PLCL2: variants seen among roughly 807,000 people sequenced by gnomAD.
PLCL2 encodes phospholipase C like 2, also known as inactive phospholipase C-like protein 2.
In PLCL2, 4 loss-of-function variants were observed where a neutral mutation model predicts 79.6. That is an observed-to-expected ratio of 0.05 (90% CI 0.02 to 0.11). The LOEUF (loss-of-function observed/expected upper bound fraction) is 0.11, where lower values mean the gene tolerates loss of function less well. PLCL2 is among the 10% of genes least tolerant of loss of function. The pLI is 1.00. For missense variants in PLCL2, 895 were observed against 1,291.0 expected, an observed-to-expected ratio of 0.69 and a Z score of 4.70; for synonymous variants, 484 against 457.7, an observed-to-expected ratio of 1.06 and a Z score of -0.73.
chr3:17,010,274 C>G lies in PLCL2; in HGVS notation c.928C>G (p.Leu310Val), dbSNP rs373183294. Residue 310 changes from leucine to valine, a missense_variant, in exon 2 of 6, where the codon CTT (leucine) becomes GTT (valine). This residue lies in a region of PLCL2 where 93 missense variants were observed against 93.2 expected (regional missense o/e 1.00). Transcript: ENST00000615277. This position sits in a 1 kb window ranked among gnomAD's most constrained non-coding sequence, Gnocchi z 5.8. ...TGGTTTAAAAACGAGCAAAATTGAG[C>G]TTAAGTTCAAAGAATTGCATAAATC... The part of the protein sequence containing the change: ...NPGLKTSKIE[L>V]KFKELHKSKD... 2.6e-5 allele frequency: 42 copies of G among 1,613,928 alleles called. No homozygotes were observed. The highest frequency in any genetic ancestry group is 3.5e-5 in the Non-Finnish European group (41 of 1,179,896).
chr3:16,960,879 A>G (rs867944268), intron 1 of PLCL2, among the ~76,000 whole-genome samples: 5 of 152,366 alleles, frequency 3.3e-5, no homozygotes, highest in South Asian at 2.1e-4. Context: ...CCAATAATAT[A>G]CAAAGAATAA....
chr3:16,943,975 G>A (rs932428093), intron 1 of PLCL2, among the ~76,000 whole-genome samples: 1 of 152,098 alleles, frequency 6.6e-6, no homozygotes, highest in Admixed American at 6.5e-5. Context: ...ATTACATATG[G>A]TTTCATGCCT....
chr3:16,885,630 T>C (rs557994067), intron 1 of PLCL2, among the ~76,000 whole-genome samples: 2 of 152,250 alleles, frequency 1.3e-5, no homozygotes, highest in Non-Finnish European at 2.9e-5. Flanking sequence ...GGTCTGGCAT[T>C]AGGGCCTTGT....
At position 17,009,974 on chromosome 3, in the gene PLCL2, G is replaced by T; in HGVS notation, c.628G>T (p.Asp210Tyr). Residue 210 changes from aspartate to tyrosine, a missense_variant, in exon 2 of 6, where the codon GAC becomes TAC. Transcript: ENST00000615277. The surrounding 1 kb of genome is among the most constrained non-coding windows in gnomAD (Gnocchi z 4.0). Reference sequence around the variant, plus strand: ...CATATTCCGCAGCAATGGCATTTCTGACCAGATATCTGAAGATTGTGCGTT... The same window carrying T: ...CATATTCCGCAGCAATGGCATTTCTTACCAGATATCTGAAGATTGTGCGTT... Reference protein sequence around the residue: ...TDIFRSNGISDQISEDCAFSV... With the variant: ...TDIFRSNGISYQISEDCAFSV... 1 of 1,614,094 alleles carries T rather than the reference G, an allele frequency of 6.2e-7. No individual in the cohort carries two copies. The highest frequency in any genetic ancestry group is 1.1e-5 in the South Asian group (1 of 91,060).
At chr3:17,052,262 G>GT (rs569662810) in intron 4 of PLCL2, among the ~76,000 whole-genome samples, 21 of 150,470 alleles carry the variant, frequency 1.4e-4, no homozygotes, top group Non-Finnish European at 2.4e-4. Flanking sequence ...AATTGGGGGG[G>GT]GGTGAAGGTC....
intron 3 of PLCL2, among the ~76,000 whole-genome samples, chr3:17,025,512 G>T (rs1392784847): frequency 6.6e-6 from 1 of 152,090 alleles, no homozygotes; most frequent in African/African-American, 2.4e-5. Flanking sequence ...AAGAAAAAAT[G>T]GAATAATTTG....
chr3:17,072,450 C>T (rs1483955174), intron 5 of PLCL2, among the ~76,000 whole-genome samples: 1 of 152,052 alleles, frequency 6.6e-6, no homozygotes, highest in Non-Finnish European at 1.5e-5. Context: ...GCATGGATCA[C>T]CTGAGGTCAG....
At position 16,950,642 on chromosome 3, in the gene PLCL2, C is replaced by T. The variant is rs188330556; in HGVS notation, c.328-59032C>T. Among the ~76,000 whole-genome samples, 485 of 151,888 alleles carry T rather than the reference C, an allele frequency of 3.2e-3. 3 individuals carry two copies. The highest frequency in any genetic ancestry group is 0.011 in the African/African-American group (447 of 41,456). On this transcript the variant is annotated intron_variant, in intron 1 of 5. Coordinates refer to ENST00000615277, the MANE Select transcript of PLCL2 (RefSeq NM_001144382.2). ...TTCTATTGGGAGGCTTCTACCATCT[C>T]ATCATTAACTAAAAAGTTTACTATT... is the stretch of plus-strand genomic sequence containing the variant.
chr3:17,082,630 C>A (rs2065176122), intron 5 of PLCL2, among the ~76,000 whole-genome samples: 2 of 152,184 alleles, frequency 1.3e-5, no homozygotes, highest in Admixed American at 6.5e-5. Flanking sequence ...ACCATGATTA[C>A]TTCTCTGAAG....
intron 1 of PLCL2, among the ~76,000 whole-genome samples, chr3:16,942,759 G>T (rs2063563639): frequency 6.6e-6 from 1 of 151,890 alleles, no homozygotes; most frequent in Non-Finnish European, 1.5e-5. Flanking sequence ...TAAAAGCAAA[G>T]AATAAAAGAA....
At chr3:17,022,193 C>G (rs1347544561) in intron 3 of PLCL2, among the ~76,000 whole-genome samples, 1 of 152,150 alleles carries the variant, frequency 6.6e-6, no homozygotes, top group African/African-American at 2.4e-5. Context: ...ACCCAAAGCT[C>G]AAGAAAAGTT....
At chr3:16,902,763 G>C (rs1176495609) in intron 1 of PLCL2, among the ~76,000 whole-genome samples, 1 of 147,882 alleles carries the variant, frequency 6.8e-6, no homozygotes, top group African/African-American at 2.5e-5. Flanking sequence ...GGAGGCAGAG[G>C]TTATAGTGAG....
Position 17,010,356 on chromosome 3 carries a change from A to C in PLCL2, c.1010A>C (p.Glu337Ala). ...GAAGAATTTATTGAGGTTTTTCATG[A>C]GCTTTGTACTAGACCTGAAATTTAT... ...TKEEFIEVFHELCTRPEIYFL... is the reference protein window; with the variant it reads ...TKEEFIEVFHALCTRPEIYFL... Residue 337 changes from glutamate (E) to alanine (A), a missense_variant, in exon 2 of 6, where the codon GAG (glutamate) becomes GCG (alanine). Coordinates refer to ENST00000615277, the MANE Select transcript of PLCL2 (RefSeq NM_001144382.2). This position sits in a 1 kb window ranked among gnomAD's most constrained non-coding sequence, Gnocchi z 5.8. The C allele has an allele frequency of 2.5e-6, 4 of 1,614,046 alleles. No individual in the cohort carries two copies. The highest frequency in any genetic ancestry group is 2.5e-6 in the Non-Finnish European group (3 of 1,179,986).
At chr3:16,890,976 TG>T (rs1425465632) in intron 1 of PLCL2, among the ~76,000 whole-genome samples, 2 of 152,250 alleles carry the variant, frequency 1.3e-5, no homozygotes, top group African/African-American at 4.8e-5. Context: ...CATTCCAGAA[TG>T]GCAAACCAGG....
At chr3:16,911,966 A>T (rs995942871) in intron 1 of PLCL2, among the ~76,000 whole-genome samples, 5 of 152,202 alleles carry the variant, frequency 3.3e-5, no homozygotes, top group African/African-American at 7.2e-5. Context: ...TATGTATAAG[A>T]TGTATATGAA....
chr3:17,076,238 C>T (rs939433569), intron 5 of PLCL2, among the ~76,000 whole-genome samples: 1 of 151,950 alleles, frequency 6.6e-6, no homozygotes, highest in African/African-American at 2.4e-5. Context: ...TTTGTGTGTA[C>T]GTGAGTTTTA....
chr3:16,948,547 A>G (rs1273184582), intron 1 of PLCL2, among the ~76,000 whole-genome samples: 4 of 152,322 alleles, frequency 2.6e-5, no homozygotes, highest in African/African-American at 9.6e-5. Flanking sequence ...CAATAAAACT[A>G]TTGTTTTTAA....
At chr3:16,938,495 A>G (rs116938213) in intron 1 of PLCL2, among the ~76,000 whole-genome samples, 1,614 of 152,312 alleles carry the variant, frequency 0.011, 30 homozygotes, top group Admixed American at 0.045. Flanking sequence ...GGAAAGCCAT[A>G]GGCTAAGGGA....
chr3:17,020,617 A>T (rs1197632000), intron 3 of PLCL2, among the ~76,000 whole-genome samples: 1 of 152,082 alleles, frequency 6.6e-6, no homozygotes, highest in Non-Finnish European at 1.5e-5. Context: ...AAGAAAGCAT[A>T]CTCTGAGGAA....
Sources: gnomAD v4.1 joint callset for allele counts (sites outside exome capture counted in the v4.1 genomes callset) on GRCh38, gnomAD v4.1.1 for gene constraint, gnomAD v4.1.1 regional missense constraint, Gnocchi (gnomAD v3.1) non-coding constraint, MANE v1.5 for transcripts, NCBI Gene and HGNC (gene_info 2026-07-23, HGNC 2026-07-21) for gene names.